Variants in REPS1 observed in about 807,000 individuals in gnomAD.
The protein encoded by REPS1 is ralBP1-associated Eps domain-containing protein 1.
Under a neutral mutation model 100.9 loss-of-function variants are expected in REPS1, and 39 were observed. The ratio of observed to expected loss-of-function variants is 0.39; its 90% CI spans 0.30 to 0.50. REPS1 has a LOEUF of 0.50. Among genes scored for constraint, REPS1 ranks in the 20% least tolerant of loss-of-function variants. REPS1 has a pLI of 0.86. For synonymous variants in REPS1, 324 were observed against 340.3 expected, an observed-to-expected ratio of 0.95 and a Z score of 0.53; for missense variants, 821 against 968.5, an observed-to-expected ratio of 0.85 and a Z score of 2.02.
chr6:138,952,746 G>T (rs1480449888), intron 1 of REPS1, among the ~76,000 whole-genome samples: 1 of 151,820 alleles, frequency 6.6e-6, no homozygotes, highest in Admixed American at 6.6e-5. Flanking sequence ...ACTCATTGGG[G>T]AAAGGACAGT....
At chr6:138,929,339 G>A (rs1423139228) in intron 9 of REPS1, 1 of 152,112 alleles carries the variant, frequency 6.6e-6, no homozygotes, top group Non-Finnish European at 1.5e-5. Flanking sequence ...CCCTTTTGAT[G>A]CTTTACATAA....
chr6:138,930,876 T>C (rs1781443854), intron 8 of REPS1, among the ~76,000 whole-genome samples: 1 of 152,224 alleles, frequency 6.6e-6, no homozygotes, highest in African/African-American at 2.4e-5. Flanking sequence ...TACAAATCCA[T>C]TATACTATTT....
intron 7 of REPS1, 77 bp from the exon 8 acceptor site, chr6:138,941,566 A>G: frequency 7.2e-7 from 1 of 1,387,472 alleles, no homozygotes; most frequent in Non-Finnish European, 1.0e-6. Context: ...AGCAAGAGAA[A>G]TATTTTCCAT....
intron 19 of REPS1, 182 bp downstream of exon 19, chr6:138,907,313 A>AAAAGTGTGTGTGTGG: frequency 7.5e-6 from 1 of 132,592 alleles, no homozygotes; most frequent in Non-Finnish European, 1.5e-5. Flanking sequence ...AAAAAAAAAA[A>AAAAGTGTGTGTGTGG]GTGTGTGTGT....
At chr6:138,964,241 T>C (rs1031562213) in intron 1 of REPS1, among the ~76,000 whole-genome samples, 11 of 152,032 alleles carry the variant, frequency 7.2e-5, no homozygotes, top group African/African-American at 2.2e-4. Context: ...CCAAACTCCA[T>C]TTTACTTATC....
intron 17 of REPS1, among the ~76,000 whole-genome samples, chr6:138,910,257 T>G (rs918276281): frequency 6.6e-6 from 1 of 152,236 alleles, no homozygotes; most frequent in African/African-American, 2.4e-5. Flanking sequence ...GGCTCCCACT[T>G]TGCCTTCTGC....
intron 12 of REPS1, among the ~76,000 whole-genome samples, chr6:138,920,007 CAG>C (rs2128443148): frequency 6.6e-6 from 1 of 152,262 alleles, no homozygotes; most frequent in South Asian, 2.1e-4. Flanking sequence ...CCTGGCTACA[CAG>C]AGAGGGATGG....
Position 138,961,611 on chromosome 6 carries a change from GTTTTATCTGCCA to G in REPS1, c.154-13710_154-13699del, listed in dbSNP as rs1783745280. Among the ~76,000 whole-genome samples the G allele has an allele frequency of 5.3e-5, 8 of 152,164 alleles. No homozygotes were observed. The South Asian group carries it at 1.7e-3, about 31-fold the overall frequency. On this transcript the variant is annotated intron_variant, in intron 1 of 19. Coordinates refer to ENST00000450536, the MANE Select transcript of REPS1 (RefSeq NM_001286611.2). ...CCTTATTTGTGCTAAGAAACCGAAA[GTTTTATCTGCCA>G]TGACTTTTACACCAACAATGCAAGT...
intron 1 of REPS1, among the ~76,000 whole-genome samples, chr6:138,953,207 T>A (rs116415158): frequency 0.018 from 2,668 of 152,198 alleles, 83 homozygotes; most frequent in African/African-American, 0.061. Context: ...ATGCATCTAA[T>A]ACCTAAATAT....
Position 138,905,016 on chromosome 6 carries a change from C to A in REPS1, c.*48G>T, listed in dbSNP as rs759959883. The A allele has an allele frequency of 3.2e-6, 5 of 1,582,524 alleles. No homozygotes were observed. In the South Asian group the frequency reaches 5.6e-5, roughly 18 times the overall value. On this transcript the variant is annotated 3_prime_UTR_variant, in exon 20 of 20. Coordinates refer to ENST00000450536, the MANE Select transcript of REPS1 (RefSeq NM_001286611.2). ...TCTAGGTCTCCAAATTGGCTTTGAA[C>A]CCAAAACCACTTAAAAACAAGTATG...
chr6:138,912,508 C>T (rs1027608374), intron 16 of REPS1, among the ~76,000 whole-genome samples: 1 of 152,142 alleles, frequency 6.6e-6, no homozygotes, highest in African/African-American at 2.4e-5. Context: ...ATGGAAACCC[C>T]CAAAGCAGCG....
intron 1 of REPS1, among the ~76,000 whole-genome samples, chr6:138,961,368 C>T (rs1783729941): frequency 6.6e-6 from 1 of 152,162 alleles, no homozygotes; most frequent in Non-Finnish European, 1.5e-5. Flanking sequence ...TCCCTAGTAG[C>T]TGGGATTACA....
intron 8 of REPS1, among the ~76,000 whole-genome samples, chr6:138,936,961 C>T (rs185076336): frequency 1.3e-5 from 2 of 152,196 alleles, no homozygotes; most frequent in African/African-American, 4.8e-5. Context: ...CAAAGACATA[C>T]CAAGACTGGG....
chr6:138,944,654 A>C (rs1175025910), intron 4 of REPS1, 32 bp from the exon 5 acceptor site: 1 of 1,582,818 alleles, frequency 6.3e-7, no homozygotes. Context: ...ATGCTGACTC[A>C]TGTTTGAGGA....
At chr6:138,906,928 A>G (rs1232879042) in intron 19 of REPS1, among the ~76,000 whole-genome samples, 1 of 151,644 alleles carries the variant, frequency 6.6e-6, no homozygotes, top group Non-Finnish European at 1.5e-5. Context: ...TTTTTTTTTG[A>G]CTCAATAAAG....
chr6:138,926,577 G>T, intron 9 of REPS1, 96 bp from the exon 10 acceptor site: 2 of 798,760 alleles, frequency 2.5e-6, no homozygotes. Context: ...AGGTTGCACT[G>T]CAAGTTGTGT....
chr6:138,926,177 T>A (rs543131519), intron 10 of REPS1, among the ~76,000 whole-genome samples: 3 of 152,158 alleles, frequency 2.0e-5, no homozygotes, highest in Non-Finnish European at 4.4e-5. Context: ...TCTAGACACA[T>A]GTACCAGATT....
At chr6:138,977,575 TTATAACA>T (rs762628040) in intron 1 of REPS1, among the ~76,000 whole-genome samples, 4 of 151,544 alleles carry the variant, frequency 2.6e-5, no homozygotes, top group Non-Finnish European at 4.4e-5. Context: ...TTCATGTTTG[TTATAACA>T]TATATCACTA....
intron 12 of REPS1, among the ~76,000 whole-genome samples, chr6:138,918,113 G>A (rs1780527598): frequency 6.6e-6 from 1 of 151,972 alleles, no homozygotes; most frequent in African/African-American, 2.4e-5. Context: ...GTGTGTGCGT[G>A]TGTATATTTT....
Sources: gnomAD v4.1 joint callset for allele counts (sites outside exome capture counted in the v4.1 genomes callset) on GRCh38, gnomAD v4.1.1 for gene constraint, MANE v1.5 for transcripts, NCBI Gene and HGNC (gene_info 2026-07-23, HGNC 2026-07-21) for gene names.